Variants in DNAAF4 observed in about 807,000 individuals in gnomAD.
DNAAF4 encodes the protein dynein assembly factor 4, axonemal.
In DNAAF4, 43 loss-of-function variants were observed where a neutral mutation model predicts 51.8. The ratio of observed to expected loss-of-function variants is 0.83; its 90% CI spans 0.65 to 1.07. The LOEUF is 1.07. DNAAF4 is among the 50% of genes least tolerant of loss of function. The pLI is 0.00. For synonymous variants in DNAAF4, 194 were observed against 165.6 expected, an observed-to-expected ratio of 1.17 and a Z score of -1.32; for missense variants, 581 against 493.0, an observed-to-expected ratio of 1.18 and a Z score of -1.69.
intron 5 of DNAAF4, among the ~76,000 whole-genome samples, chr15:55,458,875 C>A (rs1204036095): frequency 6.6e-6 from 1 of 151,998 alleles, no homozygotes. Context: ...AGTTCGAGAC[C>A]AGCCTGGCCA....
At chr15:55,463,880 G>A (rs2058130759) in intron 5 of DNAAF4, among the ~76,000 whole-genome samples, 1 of 152,064 alleles carries the variant, frequency 6.6e-6, no homozygotes, top group Admixed American at 6.6e-5. Flanking sequence ...TGACCATACT[G>A]CCAAAAGCAA....
At chr15:55,452,939 C>T (rs983704430) in intron 5 of DNAAF4, among the ~76,000 whole-genome samples, 1 of 152,196 alleles carries the variant, frequency 6.6e-6, no homozygotes, top group East Asian at 1.9e-4. Flanking sequence ...GATTCTCCTG[C>T]CTCAGCCTCC....
chr15:55,473,943 G>C (rs1467363067), intron 4 of DNAAF4, among the ~76,000 whole-genome samples: 6 of 152,098 alleles, frequency 3.9e-5, no homozygotes, highest in African/African-American at 1.4e-4. Flanking sequence ...AGTGAGCCTA[G>C]ATCACGCCAC....
intron 4 of DNAAF4, among the ~76,000 whole-genome samples, chr15:55,471,956 C>T (rs2058262083): frequency 6.6e-6 from 1 of 152,204 alleles, no homozygotes; most frequent in African/African-American, 2.4e-5. Flanking sequence ...TATCCTGCCT[C>T]AGCCTCCTGA....
At chr15:55,459,130 A>G (rs2058059707) in intron 5 of DNAAF4, among the ~76,000 whole-genome samples, 1 of 151,814 alleles carries the variant, frequency 6.6e-6, no homozygotes, top group South Asian at 2.1e-4. Context: ...TCTATAAAGG[A>G]GAACCTATCA....
intron 3 of DNAAF4, among the ~76,000 whole-genome samples, chr15:55,493,956 G>T (rs2058606131): frequency 6.6e-6 from 1 of 151,198 alleles, no homozygotes; most frequent in African/African-American, 2.4e-5. Context: ...CTCCCACCTT[G>T]GCCTCCTAAA....
intron 1 of DNAAF4, among the ~76,000 whole-genome samples, chr15:55,500,393 C>G (rs1463621903): frequency 6.6e-6 from 1 of 152,136 alleles, no homozygotes; most frequent in African/African-American, 2.4e-5. Context: ...TCATTTTCCC[C>G]CTTTTGTTCT....
chr15:55,437,409 A>G (rs1481425940), intron 7 of DNAAF4, among the ~76,000 whole-genome samples: 3 of 152,104 alleles, frequency 2.0e-5, no homozygotes, highest in African/African-American at 7.2e-5. Flanking sequence ...AAACGCCACA[A>G]AACAATCCCT....
At chr15:55,507,171 C>T (rs924384467) in intron 1 of DNAAF4, among the ~76,000 whole-genome samples, 2 of 152,082 alleles carry the variant, frequency 1.3e-5, no homozygotes, top group South Asian at 4.1e-4. Context: ...TTTTGAACAA[C>T]GGAAACTGAA....
At chr15:55,444,095 G>A (rs1434545023) in intron 6 of DNAAF4, among the ~76,000 whole-genome samples, 4 of 152,156 alleles carry the variant, frequency 2.6e-5, no homozygotes, top group Admixed American at 2.6e-4. Flanking sequence ...TGCTTTTGGT[G>A]TTTTAGACAT....
intron 6 of DNAAF4, 69 bp downstream of exon 6, chr15:55,450,153 T>G (rs1463648102): frequency 2.7e-6 from 4 of 1,475,806 alleles, no homozygotes; most frequent in East Asian, 2.3e-5. Flanking sequence ...CCAGTACTAA[T>G]TTCAATAGAT....
chr15:55,442,874 C>T, intron 6 of DNAAF4: 1 of 1,612,474 alleles, frequency 6.2e-7, no homozygotes, highest in Admixed American at 1.7e-5. Flanking sequence ...ACAGTAGCAT[C>T]AATCATGGTT....
At position 55,456,261 on chromosome 15, in the gene DNAAF4, T is replaced by C. The variant is rs367839644; in HGVS notation, c.638-5894A>G. On this transcript the variant is annotated intron_variant, in intron 5 of 9. Coordinates refer to ENST00000321149, the MANE Select transcript of DNAAF4 (RefSeq NM_130810.4). ...CCACGTCCGGCTAGTTTTGTATTTTTAGTAGAGACAGGGTTTCTCCATGTT... is the reference window on the plus strand; with the variant it reads ...CCACGTCCGGCTAGTTTTGTATTTTCAGTAGAGACAGGGTTTCTCCATGTT... Among the ~76,000 whole-genome samples, 25 of 152,148 alleles carry C rather than the reference T, an allele frequency of 1.6e-4. No individual in the cohort carries two copies. The East Asian group carries it at 3.1e-3, about 19-fold the overall frequency.
intron 1 of DNAAF4, among the ~76,000 whole-genome samples, chr15:55,501,381 T>C (rs1345716522): frequency 4.9e-5 from 7 of 142,492 alleles, no homozygotes; most frequent in African/African-American, 1.3e-4. Context: ...TCTTTCTTTT[T>C]TTTTTTTTTT....
intron 4 of DNAAF4, among the ~76,000 whole-genome samples, chr15:55,476,933 G>A (rs2058342996): frequency 6.6e-6 from 1 of 152,194 alleles, no homozygotes; most frequent in Non-Finnish European, 1.5e-5. Context: ...AACTTTGGGA[G>A]GCCAAGGCGG....
intron 3 of DNAAF4, among the ~76,000 whole-genome samples, chr15:55,493,506 T>C (rs910910183): frequency 6.6e-6 from 1 of 152,160 alleles, no homozygotes; most frequent in Admixed American, 6.5e-5. Flanking sequence ...TGGAAGAACA[T>C]TAACTTCCCA....
intron 1 of DNAAF4, among the ~76,000 whole-genome samples, chr15:55,505,771 T>TG (rs1451632465): frequency 7.7e-6 from 1 of 129,256 alleles, no homozygotes; most frequent in Admixed American, 8.3e-5. Flanking sequence ...TGTTGAGAGG[T>TG]GGGGGGGCTG....
chr15:55,444,980 T>C (rs1049126278), intron 6 of DNAAF4, among the ~76,000 whole-genome samples: 1 of 151,854 alleles, frequency 6.6e-6, no homozygotes, highest in South Asian at 2.1e-4. Flanking sequence ...TATACAATCA[T>C]GTCATCTGCA....
At chr15:55,433,941 A>AATAT (rs2057555970) in intron 8 of DNAAF4, among the ~76,000 whole-genome samples, 3 of 33,148 alleles carry the variant, frequency 9.1e-5, no homozygotes, top group East Asian at 7.5e-4. Flanking sequence ...TATAAAATAT[A>AATAT]TATAATATAT....
Sources: allele counts gnomAD v4.1 joint callset (sites outside exome capture counted in the v4.1 genomes callset), GRCh38; gene constraint gnomAD v4.1.1; transcripts MANE v1.5; gene names NCBI Gene and HGNC (gene_info 2026-07-23, HGNC 2026-07-21).